WDR20: variants seen among roughly 807,000 people sequenced by gnomAD.
WDR20 encodes WD repeat domain 20, also known as WD repeat-containing protein 20.
In WDR20, 3 loss-of-function variants were observed where a neutral mutation model predicts 38.7. The ratio of observed to expected loss-of-function variants is 0.08; its 90% CI spans 0.04 to 0.20. The LOEUF is 0.20. Ranked by LOEUF, WDR20 falls within the 10% of genes least tolerant of loss-of-function variation. The pLI, the probability that WDR20 is intolerant of heterozygous loss-of-function variation, is 1.00. For missense variants in WDR20, 559 were observed against 727.7 expected, an observed-to-expected ratio of 0.77 and a Z score of 2.67; for synonymous variants, 298 against 285.6, an observed-to-expected ratio of 1.04 and a Z score of -0.44.
intron 2 of WDR20, among the ~76,000 whole-genome samples, chr14:102,205,396 G>A (rs1002938467): frequency 2.0e-5 from 3 of 152,208 alleles, no homozygotes; most frequent in Admixed American, 2.0e-4. Flanking sequence ...ACTCTGGAGA[G>A]AGAAATGAGA....
chr14:102,161,085 A>T (rs2058544116), intron 1 of WDR20, among the ~76,000 whole-genome samples: 1 of 132,788 alleles, frequency 7.5e-6, no homozygotes, highest in Non-Finnish European at 1.6e-5. Flanking sequence ...ATGTATGATA[A>T]ATTTCCAGTG....
intron 2 of WDR20, among the ~76,000 whole-genome samples, chr14:102,200,442 G>C (rs1344483305): frequency 6.9e-6 from 1 of 144,210 alleles, no homozygotes; most frequent in African/African-American, 2.6e-5. Flanking sequence ...CAGGGGCGAG[G>C]AGTTTACTTT....
At chr14:102,139,633 T>C (rs1383820890), upstream of WDR20, 2 of 641,064 alleles carry the variant, frequency 3.1e-6, no homozygotes, top group Middle Eastern at 4.3e-4. Context: ...TAGACCCCAC[T>C]AGCTGAAGCC....
chr14:102,202,655 C>T (rs1469017615), intron 2 of WDR20, among the ~76,000 whole-genome samples: 2 of 152,160 alleles, frequency 1.3e-5, no homozygotes, highest in Non-Finnish European at 2.9e-5. Flanking sequence ...ACTGGGATTA[C>T]AGGTGTGAGC....
intron 1 of WDR20, among the ~76,000 whole-genome samples, chr14:102,185,492 C>A (rs776925744): frequency 4.7e-4 from 72 of 152,054 alleles, no homozygotes; most frequent in Non-Finnish European, 9.1e-4. Context: ...GACGGCGGTG[C>A]AGCAGAAGGC....
intron 1 of WDR20, among the ~76,000 whole-genome samples, chr14:102,145,687 C>T (rs903507976): frequency 3.3e-5 from 5 of 152,236 alleles, no homozygotes; most frequent in African/African-American, 1.2e-4. Context: ...AGAAGGGTCA[C>T]TTGAACTGGG....
At position 102,209,967 on chromosome 14, in the gene WDR20, CTTCTTA is replaced by C; in HGVS notation, c.*94_*99del. The C allele has an allele frequency of 6.7e-7, 1 of 1,493,160 alleles. No homozygotes were observed. Among genetic ancestry groups the C allele is most frequent in the Non-Finnish European group, 8.8e-7 (1 of 1,130,256 alleles). The allele number at this position is 1,493,160 out of a possible 1,614,324, so 92.5% of individuals were successfully genotyped here. A position where few individuals can be genotyped will look rare whatever the true frequency, so the allele number is the denominator to read the frequency against. On this transcript the variant is annotated 3_prime_UTR_variant, in exon 3 of 3. Transcript: ENST00000342702. The surrounding 1 kb of genome is among the most constrained non-coding windows in gnomAD (Gnocchi z 6.0). ...GGGTGTACAATGAATGTGAATGACA[CTTCTTA>C]TTCTTAATGTAAATCTCAATGCATC...
intron 1 of WDR20, among the ~76,000 whole-genome samples, chr14:102,143,480 G>A (rs1255516028): frequency 6.6e-6 from 1 of 151,960 alleles, no homozygotes; most frequent in Admixed American, 6.6e-5. Context: ...GGTGATGTGA[G>A]GTATTCAGAG....
rs955848992 is a variant in WDR20, at chr14:102,208,407, G to A, written c.433-196G>A. 2.0e-5 allele frequency among the ~76,000 whole-genome samples: 3 copies of A among 152,150 alleles called. No individual in the cohort carries two copies. The highest frequency in any genetic ancestry group is 1.9e-4 in the East Asian group (1 of 5,190). Reference sequence around the variant, plus strand: ...CCGTGAAAGCCAGCAGCCTAACACCGATTTTAGAAAGTAATTCTAAATTAC... The same window carrying A: ...CCGTGAAAGCCAGCAGCCTAACACCAATTTTAGAAAGTAATTCTAAATTAC... On this transcript the variant is annotated intron_variant, in intron 2 of 2. Coordinates refer to ENST00000342702, the MANE Select transcript of WDR20 (RefSeq NM_144574.4). This position sits in a 1 kb window ranked among gnomAD's most constrained non-coding sequence, Gnocchi z 5.6.
At chr14:102,146,148 G>GT (rs1014801203) in intron 1 of WDR20, among the ~76,000 whole-genome samples, 2 of 151,372 alleles carry the variant, frequency 1.3e-5, no homozygotes, top group Non-Finnish European at 2.9e-5. Flanking sequence ...TGCTGGAAGA[G>GT]TTTTTTTGTT....
downstream of WDR20, among the ~76,000 whole-genome samples, chr14:102,212,359 G>C (rs899185721): frequency 1.3e-5 from 2 of 152,174 alleles, no homozygotes. Context: ...CCCTCTTGCT[G>C]GGTTCAGGGC....
chr14:102,196,619 C>T lies in WDR20; in HGVS notation c.432+1499C>T, dbSNP rs555007383. Among the ~76,000 whole-genome samples the T allele has an allele frequency of 2.0e-4, 31 of 152,162 alleles. 1 individual carries two copies. The highest frequency in any genetic ancestry group is 7.0e-4 in the African/African-American group (29 of 41,498). On this transcript the variant is annotated intron_variant, in intron 2 of 2. Coordinates refer to ENST00000342702, the MANE Select transcript of WDR20 (RefSeq NM_144574.4). ...CCTGGCCGAGGATGGTACAGAATGC[C>T]GCTTAGAGAACAAGAAAGTTTTGTG...
intron 2 of WDR20, among the ~76,000 whole-genome samples, chr14:102,201,504 G>A (rs111432093): frequency 1.3e-5 from 2 of 152,184 alleles, no homozygotes; most frequent in African/African-American, 4.8e-5. Context: ...TGAAAATCTT[G>A]TCTGTTGATG....
At chr14:102,175,144 G>A (rs758725464) in intron 1 of WDR20, among the ~76,000 whole-genome samples, 15 of 152,160 alleles carry the variant, frequency 9.9e-5, no homozygotes, top group Admixed American at 5.9e-4. Flanking sequence ...TGCCTAGAAG[G>A]ATTTTTCCGG....
chr14:102,139,667 G>A (rs2050214207), upstream of WDR20: 1 of 652,450 alleles, frequency 1.5e-6, no homozygotes, highest in African/African-American at 1.8e-5. Context: ...AAGCAGCCAT[G>A]CCGCCCGGAG....
At chr14:102,202,359 G>A (rs1377931291) in intron 2 of WDR20, among the ~76,000 whole-genome samples, 1 of 146,226 alleles carries the variant, frequency 6.8e-6, no homozygotes, top group East Asian at 2.0e-4. Flanking sequence ...TTTGTCCTGT[G>A]CCCTGTATGG....
At chr14:102,188,143 A>G (rs2065325539) in intron 1 of WDR20, among the ~76,000 whole-genome samples, 1 of 152,232 alleles carries the variant, frequency 6.6e-6, no homozygotes, top group Admixed American at 6.5e-5. Flanking sequence ...AATTTGACAC[A>G]CATTTTTCAA....
chr14:102,157,272 A>G (rs2057650229), intron 1 of WDR20: 1 of 152,128 alleles, frequency 6.6e-6, no homozygotes, highest in Non-Finnish European at 1.5e-5. Context: ...ACAACAAAAA[A>G]CAGTTGTAAG....
chr14:102,169,336 C>T (rs1188492997), intron 1 of WDR20, among the ~76,000 whole-genome samples: 1 of 152,206 alleles, frequency 6.6e-6, no homozygotes, highest in East Asian at 1.9e-4. Context: ...AGTCGTTCCA[C>T]TCCCCTTTCC....
Sources: allele counts gnomAD v4.1 joint callset (sites outside exome capture counted in the v4.1 genomes callset), GRCh38; gene constraint gnomAD v4.1.1; non-coding constraint Gnocchi (gnomAD v3.1); transcripts MANE v1.5; gene names NCBI Gene and HGNC (gene_info 2026-07-23, HGNC 2026-07-21).